Variants in SGCE observed in about 807,000 individuals in gnomAD.
SGCE encodes the protein epsilon-sarcoglycan.
A neutral mutation model predicts 57.8 loss-of-function variants in SGCE; 26 were observed. The observed-to-expected ratio is 0.45, with a 90% CI of 0.33 to 0.62. SGCE has a LOEUF of 0.62. Among genes scored for constraint, SGCE ranks in the 20% least tolerant of loss-of-function variants. The pLI, the probability that SGCE is intolerant of heterozygous loss-of-function variation, is 0.02. For synonymous variants in SGCE, 183 were observed against 189.5 expected (o/e 0.97, Z 0.28); for missense variants, 468 against 548.6 (o/e 0.85, Z 1.47).
intron 5 of SGCE, among the ~76,000 whole-genome samples, chr7:94,610,570 CAG>C (rs1800863535): frequency 6.6e-6 from 1 of 151,922 alleles, no homozygotes; most frequent in Non-Finnish European, 1.5e-5. Flanking sequence ...GAGAAGAAAA[CAG>C]GTGTAAATAT....
chr7:94,603,041 T>C (rs1441690265), intron 6 of SGCE, among the ~76,000 whole-genome samples: 1 of 152,162 alleles, frequency 6.6e-6, no homozygotes, highest in Admixed American at 6.6e-5. Context: ...AGGGGTTCAT[T>C]TGGACCACCT....
At chr7:94,650,367 G>T (rs1451010758) in intron 1 of SGCE, among the ~76,000 whole-genome samples, 1 of 152,120 alleles carries the variant, frequency 6.6e-6, no homozygotes, top group African/African-American at 2.4e-5. Context: ...AGCCCCAGTA[G>T]CCTGCTTGGA....
Position 94,609,213 on chromosome 7 carries a change from A to G in SGCE, c.663-5761T>C, listed in dbSNP as rs1288293620. Among the ~76,000 whole-genome samples, 5 of 152,218 alleles carry G rather than the reference A, an allele frequency of 3.3e-5. No individual in the cohort carries two copies. The East Asian group carries it at 9.6e-4, about 29-fold the overall frequency. On this transcript the variant is annotated intron_variant, in intron 5 of 10. Coordinates refer to ENST00000648936, the MANE Select transcript of SGCE (RefSeq NM_003919.3). ...ATACAAAAAACACTTAAAACATAAA[A>G]CAACAAACAATCCAATTAAAAATGG...
chr7:94,623,253 T>C, intron 4 of SGCE, 72 bp downstream of exon 4: 1 of 936,190 alleles, frequency 1.1e-6, no homozygotes, highest in Non-Finnish European at 1.7e-6. Flanking sequence ...CTTGACTATA[T>C]TTTATGTAGT....
chr7:94,635,690 AATT>A (rs1805518181), intron 1 of SGCE, among the ~76,000 whole-genome samples: 1 of 152,212 alleles, frequency 6.6e-6, no homozygotes, highest in Admixed American at 6.5e-5. Context: ...ATTGAAATTT[AATT>A]ATTAAGCCAG....
chr7:94,640,153 A>G (rs376170227), intron 1 of SGCE, among the ~76,000 whole-genome samples: 7 of 152,154 alleles, frequency 4.6e-5, no homozygotes, highest in African/African-American at 1.7e-4. Flanking sequence ...AACCTCAGAA[A>G]AGTCAGTTTC....
chr7:94,612,679 A>G (rs180872264), intron 5 of SGCE, among the ~76,000 whole-genome samples: 2 of 152,336 alleles, frequency 1.3e-5, no homozygotes, highest in East Asian at 3.9e-4. Context: ...TTTTTATGAC[A>G]GTTGACACAT....
chr7:94,629,943 G>T, intron 1 of SGCE, 102 bp from the exon 2 acceptor site: 2 of 1,341,844 alleles, frequency 1.5e-6, no homozygotes, highest in Non-Finnish European at 1.0e-6. Context: ...TCACTATGTA[G>T]ACATTTCTGG....
intron 5 of SGCE, among the ~76,000 whole-genome samples, chr7:94,604,258 A>G (rs770365170): frequency 3.3e-5 from 5 of 152,094 alleles, no homozygotes; most frequent in Non-Finnish European, 7.4e-5. Flanking sequence ...AAAATACTAC[A>G]AGTAAATACT....
intron 5 of SGCE, among the ~76,000 whole-genome samples, chr7:94,613,577 T>C (rs1419955171): frequency 1.3e-5 from 2 of 152,064 alleles, no homozygotes; most frequent in South Asian, 2.1e-4. Context: ...ATCCCAACAA[T>C]TCAATTTCTC....
At position 94,603,331 on chromosome 7, in the gene SGCE, AT is replaced by A. The variant is rs1189469219; in HGVS notation, c.783del (p.Lys261AsnfsTer28). 1.2e-6 allele frequency: 2 copies of A among 1,612,818 alleles called. No individual in the cohort carries two copies. The highest frequency in any genetic ancestry group is 1.7e-6 in the Non-Finnish European group (2 of 1,179,290). On this transcript the variant is annotated frameshift_variant, in exon 6 of 11. Coordinates refer to ENST00000648936, the MANE Select transcript of SGCE (RefSeq NM_003919.3). LOFTEE classifies it high-confidence loss of function. ...EMEPVITCDK[K>X]FRTQFYIDWC... is the part of the protein sequence containing the mutation. ...CAGTCAATGTAAAATTGAGTACGAAATTTTTTATCACATGTTATTACAGGCT... is the reference window on the plus strand; with the variant it reads ...CAGTCAATGTAAAATTGAGTACGAAATTTTTATCACATGTTATTACAGGCT...
intron 1 of SGCE, among the ~76,000 whole-genome samples, chr7:94,631,709 G>A (rs1804757659): frequency 6.6e-6 from 1 of 151,846 alleles, no homozygotes; most frequent in Non-Finnish European, 1.5e-5. Flanking sequence ...ATTTAAGGTA[G>A]GGGGAGGCAA....
chr7:94,641,534 G>A (rs1806380061), intron 1 of SGCE, among the ~76,000 whole-genome samples: 1 of 152,106 alleles, frequency 6.6e-6, no homozygotes, highest in East Asian at 1.9e-4. Flanking sequence ...CCAAGAAAAG[G>A]TAGAATGGGT....
intron 1 of SGCE, among the ~76,000 whole-genome samples, chr7:94,645,898 G>GA (rs1008488948): frequency 1.3e-5 from 2 of 151,714 alleles, no homozygotes; most frequent in East Asian, 1.9e-4. Flanking sequence ...ATCTTCAAAT[G>GA]AAAAAAAACT....
At chr7:94,607,698 T>G (rs1800366583) in intron 5 of SGCE, among the ~76,000 whole-genome samples, 2 of 152,136 alleles carry the variant, frequency 1.3e-5, no homozygotes, top group African/African-American at 2.4e-5. Flanking sequence ...AAACTTGAAG[T>G]TTTCCTACTA....
At chr7:94,601,029 CAAATG>C (rs1236096062) in intron 6 of SGCE, among the ~76,000 whole-genome samples, 172 bp from the exon 7 acceptor site, 3 of 152,222 alleles carry the variant, frequency 2.0e-5, no homozygotes, top group Non-Finnish European at 2.9e-5. Flanking sequence ...GGGAATGTAA[CAAATG>C]AAAGTAATAA....
Position 94,598,852 on chromosome 7 carries a change from A to G in SGCE, c.1176T>C (p.Pro392=), listed in dbSNP as rs769125810. The change falls in exon 9 of 11, where the codon CCT becomes CCC. Residue 392 remains proline (P), a synonymous_variant. Coordinates refer to ENST00000648936, the MANE Select transcript of SGCE (RefSeq NM_003919.3). ...WPLSTLPVFH[P]VTGEIIPPLH... is the part of the protein sequence containing the mutation. ...AAGGAGGTATGATTTCCCCAGTCAC[A>G]GGGTGGAACACAGGAAGCGTTGACA... 2.5e-6 allele frequency: 4 copies of G among 1,612,298 alleles called. No individual in the cohort carries two copies. The highest frequency in any genetic ancestry group is 2.5e-6 in the Non-Finnish European group (3 of 1,178,320).
chr7:94,624,361 C>T (rs954004653), intron 3 of SGCE: 14 of 395,846 alleles, frequency 3.5e-5, no homozygotes, highest in African/African-American at 2.5e-4. Flanking sequence ...AAATAAGTTG[C>T]AGTCATTGAA....
rs1041800365 is a variant in SGCE, at chr7:94,587,459, T to C, written c.1297+1230A>G. The stretch of plus-strand genomic sequence containing the variant: ...CTTAGGCGAGATGGAAGCTACAAGG[T>C]TAATAACGAAGAAGTTCTATCATTT... On this transcript the variant is annotated intron_variant, in intron 10 of 10. Transcript: ENST00000648936. 3 of 1,227,470 alleles carry C rather than the reference T, an allele frequency of 2.4e-6. No individual in the cohort carries two copies. The African/African-American group carries it at 4.7e-5, about 19-fold the overall frequency. The allele number at this position is 1,227,470 out of a possible 1,614,324, so 76.0% of individuals were successfully genotyped here.
Sources: allele counts gnomAD v4.1 joint callset (sites outside exome capture counted in the v4.1 genomes callset), GRCh38; gene constraint gnomAD v4.1.1; transcripts MANE v1.5; gene names NCBI Gene and HGNC (gene_info 2026-07-23, HGNC 2026-07-21).